Variants in LRRC4C observed in about 807,000 individuals in gnomAD.
The protein encoded by LRRC4C is leucine rich repeat containing 4C, also known as leucine-rich repeat-containing protein 4C.
LRRC4C carries 5 observed loss-of-function variants against 33.6 expected under a neutral mutation model. That is an observed-to-expected ratio of 0.15 (90% CI 0.08 to 0.31). The LOEUF (loss-of-function observed/expected upper bound fraction) is 0.31, where lower values mean the gene tolerates loss of function less well. Among genes scored for constraint, LRRC4C ranks in the 10% least tolerant of loss-of-function variants. The pLI is 1.00. For missense variants in LRRC4C, 560 were observed against 796.7 expected (o/e 0.70, Z 3.58); for synonymous variants, 329 against 302.0 (o/e 1.09, Z -0.93).
chr11:41,218,006 G>C (rs1247681713), intron 1 of LRRC4C, among the ~76,000 whole-genome samples: 1 of 152,072 alleles, frequency 6.6e-6, no homozygotes, highest in African/African-American at 2.4e-5. Flanking sequence ...TTGGTGATAT[G>C]TGTTCTCATC....
intron 1 of LRRC4C, among the ~76,000 whole-genome samples, chr11:41,267,329 C>T (rs1477055341): frequency 6.6e-6 from 1 of 152,056 alleles, no homozygotes; most frequent in African/African-American, 2.4e-5. Context: ...AAGGGGTAGA[C>T]TGCTATAGTG....
chr11:40,650,851 A>C (rs1188292743), intron 2 of LRRC4C, among the ~76,000 whole-genome samples: 1 of 152,162 alleles, frequency 6.6e-6, no homozygotes, highest in Non-Finnish European at 1.5e-5. Context: ...ATGACATGAC[A>C]AACCACCCAT....
At chr11:41,418,655 T>C (rs1954772900) in intron 1 of LRRC4C, among the ~76,000 whole-genome samples, 1 of 151,996 alleles carries the variant, frequency 6.6e-6, no homozygotes, top group African/African-American at 2.4e-5. Flanking sequence ...CATATGATAA[T>C]AACATGTGAA....
At chr11:41,066,425 C>A (rs1370062165) in intron 1 of LRRC4C, among the ~76,000 whole-genome samples, 2 of 152,050 alleles carry the variant, frequency 1.3e-5, no homozygotes, top group Non-Finnish European at 2.9e-5. Flanking sequence ...TGTAAAAAGA[C>A]CGAACCTGTG....
chr11:40,734,951 T>G (rs1947782328), intron 2 of LRRC4C, among the ~76,000 whole-genome samples: 1 of 151,730 alleles, frequency 6.6e-6, no homozygotes. Context: ...AGGGGCCCAT[T>G]TAAAACAAAA....
At chr11:40,243,854 A>AT (rs60367465) in intron 4 of LRRC4C, among the ~76,000 whole-genome samples, 5,416 of 127,362 alleles carry the variant, frequency 0.043, 304 homozygotes, top group African/African-American at 0.13. Context: ...ACACCTGGGT[A>AT]TTTTTTTTTT....
intron 3 of LRRC4C, among the ~76,000 whole-genome samples, chr11:40,403,847 T>C (rs1230585225): frequency 6.6e-6 from 1 of 152,078 alleles, no homozygotes; most frequent in African/African-American, 2.4e-5. Flanking sequence ...TAGTCAACAC[T>C]AAACAGATTT....
At chr11:41,139,933 GACCTCTGC>G (rs1216186692) in intron 1 of LRRC4C, among the ~76,000 whole-genome samples, 1 of 152,114 alleles carries the variant, frequency 6.6e-6, no homozygotes, top group Non-Finnish European at 1.5e-5. Context: ...AACACTTTCT[GACCTCTGC>G]GATTTGACAA....
intron 1 of LRRC4C, among the ~76,000 whole-genome samples, chr11:41,352,416 A>G (rs1432105743): frequency 1.3e-5 from 2 of 152,196 alleles, no homozygotes; most frequent in Non-Finnish European, 2.9e-5. Flanking sequence ...ACAGAATAAC[A>G]GTGGGAGACT....
chr11:41,171,022 A>G (rs961674168), intron 1 of LRRC4C, among the ~76,000 whole-genome samples: 2 of 152,284 alleles, frequency 1.3e-5, no homozygotes, highest in South Asian at 2.1e-4. Flanking sequence ...ATCACTGGCC[A>G]TCAGAGAAAT....
At chr11:40,493,699 G>A (rs994288424) in intron 3 of LRRC4C, among the ~76,000 whole-genome samples, 3 of 152,130 alleles carry the variant, frequency 2.0e-5, no homozygotes, top group African/African-American at 7.2e-5. Flanking sequence ...TGAATTATAG[G>A]CACTCTTCAT....
chr11:41,386,088 A>G (rs1169691497), intron 1 of LRRC4C, among the ~76,000 whole-genome samples: 1 of 151,520 alleles, frequency 6.6e-6, no homozygotes, highest in Admixed American at 6.6e-5. Context: ...GCGTGTGTGT[A>G]TTTATGTATG....
At chr11:41,277,427 GAACTTCTAGAAAT>G (rs1347781654) in intron 1 of LRRC4C, among the ~76,000 whole-genome samples, 7 of 152,160 alleles carry the variant, frequency 4.6e-5, no homozygotes, top group Non-Finnish European at 1.0e-4. Flanking sequence ...AGTTCTTCTA[GAACTTCTAGAAAT>G]AATGAACTAT....
chr11:41,399,921 G>A (rs80027697), intron 1 of LRRC4C, among the ~76,000 whole-genome samples: 4,352 of 151,964 alleles, frequency 0.029, 233 homozygotes, highest in African/African-American at 0.099. Flanking sequence ...AGAAAAATTA[G>A]ATTCAGAAGG....
chr11:40,272,129 G>A (rs1942751560), intron 4 of LRRC4C, among the ~76,000 whole-genome samples: 1 of 152,218 alleles, frequency 6.6e-6, no homozygotes, highest in African/African-American at 2.4e-5. Flanking sequence ...TTTTCATTGA[G>A]TAGAAATTGC....
chr11:40,766,353 TA>T (rs60152534), intron 2 of LRRC4C, among the ~76,000 whole-genome samples: 3,500 of 33,566 alleles, frequency 0.1, 68 homozygotes, highest in African/African-American at 0.17. Context: ...TTCAGTCTGT[TA>T]AAAAAAAAAA....
intron 4 of LRRC4C, among the ~76,000 whole-genome samples, chr11:40,305,738 G>T (rs1462095186): frequency 6.6e-6 from 1 of 152,132 alleles, no homozygotes; most frequent in African/African-American, 2.4e-5. Flanking sequence ...TCTTAGCTGT[G>T]TGACTTTGGT....
intron 2 of LRRC4C, among the ~76,000 whole-genome samples, chr11:40,840,214 C>G (rs1331695692): frequency 6.6e-6 from 1 of 152,128 alleles, no homozygotes; most frequent in Non-Finnish European, 1.5e-5. Context: ...GACAGCAAAT[C>G]CTCCTATCAA....
chr11:40,192,287 G>A (rs1285988540), intron 5 of LRRC4C, among the ~76,000 whole-genome samples: 4 of 152,042 alleles, frequency 2.6e-5, no homozygotes, highest in African/African-American at 7.2e-5. Context: ...CCACTGGGAC[G>A]GGTTAGATAG....
Sources: allele counts gnomAD v4.1 joint callset (sites outside exome capture counted in the v4.1 genomes callset), GRCh38; gene constraint gnomAD v4.1.1; transcripts MANE v1.5; gene names NCBI Gene and HGNC (gene_info 2026-07-23, HGNC 2026-07-21).